The following CTCF variants were observed in gnomAD, a reference collection of about 807,000 sequenced individuals.
CTCF encodes the protein CCCTC-binding factor, also known as transcriptional repressor CTCF.
In CTCF, 7 loss-of-function variants were observed where a neutral mutation model predicts 72.3. The observed-to-expected ratio is 0.10, with a 90% CI of 0.06 to 0.18. The LOEUF is 0.18. CTCF is among the 10% of genes least tolerant of loss of function. CTCF has a pLI of 1.00. For synonymous variants in CTCF, 374 were observed against 315.8 expected, an observed-to-expected ratio of 1.18 and a Z score of -1.95; for missense variants, 516 against 949.1, an observed-to-expected ratio of 0.54 and a Z score of 6.00.
chr16:67,623,554 G>A (rs1238631288), intron 7 of CTCF: 2 of 151,856 alleles, frequency 1.3e-5, no homozygotes, highest in Non-Finnish European at 2.9e-5. Flanking sequence ...AGGATCACTT[G>A]AGCTTAAGAG....
intron 2 of CTCF, among the ~76,000 whole-genome samples, chr16:67,602,989 A>G (rs1237965093): frequency 6.6e-6 from 1 of 152,198 alleles, no homozygotes; most frequent in Non-Finnish European, 1.5e-5. Context: ...TCCTCAGACC[A>G]TACTTTGAAT....
At chr16:67,572,988 C>CA (rs1318914929) in intron 2 of CTCF, among the ~76,000 whole-genome samples, 11 of 128,586 alleles carry the variant, frequency 8.6e-5, no homozygotes, top group African/African-American at 3.2e-4. Context: ...CGCGGTGGCT[C>CA]ACGCCTGTAA....
At chr16:67,566,736 C>A (rs561020427) in intron 1 of CTCF, among the ~76,000 whole-genome samples, 1 of 151,526 alleles carries the variant, frequency 6.6e-6, no homozygotes, top group East Asian at 2.0e-4. Flanking sequence ...CCTGCCACCA[C>A]GCCTGGCTAA....
chr16:67,598,106 G>T (rs970186501), intron 2 of CTCF, among the ~76,000 whole-genome samples: 10 of 152,092 alleles, frequency 6.6e-5, no homozygotes, highest in Admixed American at 6.6e-4. Context: ...CCTCCAGGTA[G>T]CTGGGACTAC....
At chr16:67,591,258 C>T (rs893409193) in intron 2 of CTCF, among the ~76,000 whole-genome samples, 1 of 152,130 alleles carries the variant, frequency 6.6e-6, no homozygotes, top group Non-Finnish European at 1.5e-5. Flanking sequence ...CACCACTGCA[C>T]TCCAGCCTGG....
At position 67,637,819 on chromosome 16, in the gene CTCF, G is replaced by T; in HGVS notation, c.2131G>T (p.Ala711Ser). The change falls in exon 12 of 12, where the codon GCC (alanine) becomes TCC (serine). Residue 711 changes from alanine to serine, a missense_variant. Transcript: ENST00000264010. ...EEEAQPAATD[A>S]PNGDLTPEMI... is the part of the protein sequence containing the mutation. ...GGAGGCCCAGCCAGCTGCCACAGAT[G>T]CCCCCAACGGAGACCTCACGCCCGA... 2 of 1,612,734 alleles carry T rather than the reference G, an allele frequency of 1.2e-6. No homozygotes were observed. Among genetic ancestry groups the T allele is most frequent in the Admixed American group, 1.7e-5 (1 of 60,014 alleles).
intron 2 of CTCF, among the ~76,000 whole-genome samples, chr16:67,597,698 G>C (rs566494755): frequency 2.6e-5 from 4 of 152,202 alleles, no homozygotes; most frequent in Admixed American, 2.6e-4. Flanking sequence ...GATAACTTCT[G>C]TTTTTTTCCT....
At chr16:67,623,076 C>T (rs1238082133) in intron 7 of CTCF, among the ~76,000 whole-genome samples, 2 of 151,548 alleles carry the variant, frequency 1.3e-5, no homozygotes, top group Non-Finnish European at 2.9e-5. Flanking sequence ...CTTCTCCTGC[C>T]TCAGCCTCCC....
At chr16:67,604,333 TTTTGTTTTTGTTTTGTTTG>T (rs1045000952) in intron 2 of CTCF, among the ~76,000 whole-genome samples, 2 of 151,744 alleles carry the variant, frequency 1.3e-5, no homozygotes, top group African/African-American at 4.8e-5. Flanking sequence ...TTTTTGTTAG[TTTTGTTTTTGTTTTGTTTG>T]TTTGTTTTTG....
At chr16:67,599,074 G>A (rs2051852543) in intron 2 of CTCF, among the ~76,000 whole-genome samples, 1 of 152,190 alleles carries the variant, frequency 6.6e-6, no homozygotes, top group South Asian at 2.1e-4. Flanking sequence ...CATAGAGCTA[G>A]CTAAGAAGTG....
rs140190289 is a variant in CTCF at position 67,624,324 on chromosome 16, T to G, written c.1358-2231T>G. On this transcript the variant is annotated intron_variant, in intron 7 of 11. Transcript: ENST00000264010. ...TCTTGTCTGGCTTATTCCCCATCAC[T>G]CTGGTATAATGACTGTTGCTTAAGG... Among the ~76,000 whole-genome samples the G allele has an allele frequency of 9.4e-4, 143 of 151,924 alleles. 1 individual carries two copies. The highest frequency in any genetic ancestry group is 3.0e-3 in the African/African-American group (123 of 41,438).
At chr16:67,601,217 GGTGTGTGTGTGTGTGTGT>G (rs59655549) in intron 2 of CTCF, among the ~76,000 whole-genome samples, 20 of 128,306 alleles carry the variant, frequency 1.6e-4, no homozygotes, top group Non-Finnish European at 3.0e-4. Flanking sequence ...TGCACTAAGG[GGTGTGTGTGTGTGTGTGT>G]GTGTGTGTGT....
chr16:67,591,167 C>T (rs2051738748), intron 2 of CTCF, among the ~76,000 whole-genome samples: 1 of 151,382 alleles, frequency 6.6e-6, no homozygotes, highest in Non-Finnish European at 1.5e-5. Context: ...GTGATGCGTG[C>T]CTGTAATCCC....
At chr16:67,600,496 C>T (rs2051872208) in intron 2 of CTCF, among the ~76,000 whole-genome samples, 1 of 152,114 alleles carries the variant, frequency 6.6e-6, no homozygotes, top group Non-Finnish European at 1.5e-5. Flanking sequence ...TCCCAAAGTC[C>T]TGGGATTACA....
At chr16:67,624,657 G>T (rs928690254) in intron 7 of CTCF, among the ~76,000 whole-genome samples, 3 of 151,600 alleles carry the variant, frequency 2.0e-5, no homozygotes, top group Non-Finnish European at 2.9e-5. Flanking sequence ...CGGTGGCTCA[G>T]TCTTGGCTCA....
At chr16:67,602,833 C>G (rs1167611890) in intron 2 of CTCF, among the ~76,000 whole-genome samples, 2 of 141,784 alleles carry the variant, frequency 1.4e-5, no homozygotes, top group African/African-American at 5.3e-5. Flanking sequence ...AAGAGTGAAA[C>G]TCCATCTCCA....
Position 67,637,677 on chromosome 16 carries a change from T to C in CTCF, c.2000-11T>C. The C allele has an allele frequency of 6.2e-7, 1 of 1,608,960 alleles. No homozygotes were observed. Among genetic ancestry groups the C allele is most frequent in the Non-Finnish European group, 8.5e-7 (1 of 1,176,630 alleles). On this transcript the variant is annotated splice_polypyrimidine_tract_variant and intron_variant, in intron 11 of 11. Transcript: ENST00000264010. ...TGGACCATTTGTTCTGTCTGTGCTCTTCTTTGCCAGCAACAGCTATCATTC... is the reference window on the plus strand; with the variant it reads ...TGGACCATTTGTTCTGTCTGTGCTCCTCTTTGCCAGCAACAGCTATCATTC...
At chr16:67,566,862 T>C (rs935000095) in intron 1 of CTCF, among the ~76,000 whole-genome samples, 1 of 151,958 alleles carries the variant, frequency 6.6e-6, no homozygotes, top group Non-Finnish European at 1.5e-5. Flanking sequence ...TGAGCCACCG[T>C]GCCCGGCCTG....
intron 2 of CTCF, among the ~76,000 whole-genome samples, chr16:67,571,916 T>C (rs1597676842): frequency 6.6e-6 from 1 of 152,186 alleles, no homozygotes; most frequent in Non-Finnish European, 1.5e-5. Flanking sequence ...TCTACTATGC[T>C]TTGGGATCTC....
Sources: allele counts gnomAD v4.1 joint callset (sites outside exome capture counted in the v4.1 genomes callset), GRCh38; gene constraint gnomAD v4.1.1; transcripts MANE v1.5; gene names NCBI Gene and HGNC (gene_info 2026-07-23, HGNC 2026-07-21).